Variants in MEOX2 observed in about 807,000 individuals in gnomAD.
MEOX2 encodes homeobox protein MOX-2.
MEOX2 carries 11 observed loss-of-function variants against 27.0 expected under a neutral mutation model. That is an observed-to-expected ratio of 0.41 (90% CI 0.26 to 0.68). The LOEUF is 0.68. MEOX2 is among the 30% of genes least tolerant of loss of function. The probability of loss-of-function intolerance (pLI) is 0.33; values close to 1 mark genes in which losing one functional copy is unlikely to be tolerated. For synonymous variants in MEOX2, 189 were observed against 155.4 expected (o/e 1.22, Z -1.61); for missense variants, 436 against 385.4 (o/e 1.13, Z -1.10).
intron 2 of MEOX2, among the ~76,000 whole-genome samples, chr7:15,614,991 T>C (rs915595737): frequency 3.9e-5 from 6 of 152,124 alleles, no homozygotes; most frequent in South Asian, 2.1e-4. Flanking sequence ...TGAAATCATG[T>C]ATCATATATT....
At chr7:15,635,219 G>A (rs182993949) in intron 1 of MEOX2, among the ~76,000 whole-genome samples, 249 of 152,064 alleles carry the variant, frequency 1.6e-3, no homozygotes, top group Non-Finnish European at 3.0e-3. Flanking sequence ...GTCACAGAAT[G>A]TTCCTAGGCC....
intron 1 of MEOX2, among the ~76,000 whole-genome samples, chr7:15,637,973 A>G (rs1199860869): frequency 2.0e-5 from 3 of 152,126 alleles, no homozygotes; most frequent in East Asian, 1.9e-4. Flanking sequence ...GTAGGATGGT[A>G]CTGTTACATT....
At chr7:15,633,559 C>G (rs529249853) in intron 1 of MEOX2, among the ~76,000 whole-genome samples, 26 of 151,930 alleles carry the variant, frequency 1.7e-4, no homozygotes, top group African/African-American at 5.3e-4. Flanking sequence ...TGCAGTAAAA[C>G]CCTTGGACAT....
chr7:15,629,982 A>T lies in MEOX2; in HGVS notation c.518-3064T>A, dbSNP rs547705355. Among the ~76,000 whole-genome samples the T allele has an allele frequency of 2.0e-5, 3 of 152,134 alleles. No homozygotes were observed. In the East Asian group the frequency reaches 5.8e-4, roughly 29 times the overall value. On this transcript the variant is annotated intron_variant, in intron 1 of 2. Coordinates refer to ENST00000262041, the MANE Select transcript of MEOX2 (RefSeq NM_005924.5). ...TCTTCAACCTCCCATATCCTATGCC[A>T]AATGGTAGGTGCTGAGGGGGGAATC...
Position 15,686,145 on chromosome 7 carries a change from C to G in MEOX2, c.258G>C (p.Gln86His), listed in dbSNP as rs1488119800. 6.3e-7 allele frequency: 1 copy of G among 1,576,448 alleles called. No individual in the cohort carries two copies. The highest frequency in any genetic ancestry group is 8.6e-7 in the Non-Finnish European group (1 of 1,164,216). Residue 86 changes from glutamine to histidine, a missense_variant, in exon 1 of 3, where the codon CAG becomes CAC. Gln to His is a conservative substitution (Grantham distance 24). Coordinates refer to ENST00000262041, the MANE Select transcript of MEOX2 (RefSeq NM_005924.5). ...HHHHHQQQQHQALQTNWHLPQ... is the reference protein window; with the variant it reads ...HHHHHQQQQHHALQTNWHLPQ... ...GGAGGTGCCAGTTGGTTTGCAGAGC[C>G]TGGTGCTGCTGCTGCTGATGGTGGT...
At chr7:15,672,907 A>G (rs1467787574) in intron 1 of MEOX2, among the ~76,000 whole-genome samples, 1 of 151,642 alleles carries the variant, frequency 6.6e-6, no homozygotes, top group Non-Finnish European at 1.5e-5. Flanking sequence ...AAAAAAAAAG[A>G]AAAAGAAAAA....
rs540917999 is a variant in MEOX2, at chr7:15,626,718, A to G, written c.690+28T>C. 1.8e-5 allele frequency: 28 copies of G among 1,567,250 alleles called. No homozygotes were observed. The East Asian group carries it at 2.9e-4, about 16-fold the overall frequency. On this transcript the variant is annotated intron_variant, in intron 2 of 2. Coordinates refer to ENST00000262041, the MANE Select transcript of MEOX2 (RefSeq NM_005924.5). ...TGTGGACCCAGGGCAATTAAAAAAG[A>G]TCATATAATGATAATGCCCAGCTTT...
At chr7:15,628,148 TTA>T (rs1260827704) in intron 1 of MEOX2, among the ~76,000 whole-genome samples, 1 of 152,044 alleles carries the variant, frequency 6.6e-6, no homozygotes, top group Non-Finnish European at 1.5e-5. Context: ...TCTTTTTAGA[TTA>T]TGTTTTTTTT....
intron 1 of MEOX2, 41 bp downstream of exon 1, chr7:15,685,845 A>AGCCC: frequency 6.5e-7 from 1 of 1,542,446 alleles, no homozygotes; most frequent in Non-Finnish European, 8.7e-7. Flanking sequence ...CCCCTTTTCC[A>AGCCC]GCCCGGCGCG....
chr7:15,633,398 T>G (rs1351493037), intron 1 of MEOX2, among the ~76,000 whole-genome samples: 1 of 151,816 alleles, frequency 6.6e-6, no homozygotes, highest in Non-Finnish European at 1.5e-5. Context: ...TTAAGGACAA[T>G]AGTAACTTGG....
chr7:15,625,369 T>C (rs1781287262), intron 2 of MEOX2, among the ~76,000 whole-genome samples: 1 of 152,212 alleles, frequency 6.6e-6, no homozygotes, highest in African/African-American at 2.4e-5. Flanking sequence ...AGGAAAATGC[T>C]GTGCTCCATA....
intron 1 of MEOX2, chr7:15,668,192 G>C (rs546980464): frequency 2.0e-5 from 3 of 152,314 alleles, no homozygotes; most frequent in African/African-American, 7.2e-5. Flanking sequence ...TCCTACCTGA[G>C]ACAGAAGACC....
At chr7:15,680,150 C>T (rs957462923) in intron 1 of MEOX2, 2 of 151,824 alleles carry the variant, frequency 1.3e-5, no homozygotes, top group East Asian at 3.9e-4. Flanking sequence ...CGATCATACA[C>T]TTACCATGTA....
rs139911303 is a variant in MEOX2, at chr7:15,645,618, T to TA, written c.518-18701dup. On this transcript the variant is annotated intron_variant, in intron 1 of 2. Coordinates refer to ENST00000262041, the MANE Select transcript of MEOX2 (RefSeq NM_005924.5). The stretch of plus-strand genomic sequence containing the variant: ...AACAGAAATGTAAAGAATTGGTTGG[T>TA]AAAAAACACCCTTGGTAGTTATTGA... 5.5e-3 allele frequency among the ~76,000 whole-genome samples: 830 copies of TA among 152,264 alleles called. 8 individuals carry two copies. The highest frequency in any genetic ancestry group is 0.019 in the African/African-American group (808 of 41,556).
chr7:15,624,997 C>T (rs1052810772), intron 2 of MEOX2, among the ~76,000 whole-genome samples: 8 of 152,160 alleles, frequency 5.3e-5, no homozygotes, highest in African/African-American at 1.7e-4. Context: ...GATTCTGCTC[C>T]GTGGTCAAAC....
At chr7:15,660,396 C>T (rs987740027) in intron 1 of MEOX2, among the ~76,000 whole-genome samples, 1 of 152,056 alleles carries the variant, frequency 6.6e-6, no homozygotes, top group African/African-American at 2.4e-5. Flanking sequence ...AGAAACCTGA[C>T]CTTATTCTTT....
At chr7:15,654,245 G>A (rs1230618865) in intron 1 of MEOX2, among the ~76,000 whole-genome samples, 2 of 151,798 alleles carry the variant, frequency 1.3e-5, no homozygotes, top group African/African-American at 4.8e-5. Flanking sequence ...ATTTTTGTAT[G>A]TTTATCTTTA....
chr7:15,674,267 CTGCAGCA>C (rs1782156731), intron 1 of MEOX2, among the ~76,000 whole-genome samples: 1 of 152,064 alleles, frequency 6.6e-6, no homozygotes, highest in Non-Finnish European at 1.5e-5. Flanking sequence ...TTGTATTATT[CTGCAGCA>C]TTTAATTAGA....
At chr7:15,655,665 A>G (rs1781807980) in intron 1 of MEOX2, among the ~76,000 whole-genome samples, 1 of 151,618 alleles carries the variant, frequency 6.6e-6, no homozygotes, top group Admixed American at 6.6e-5. Context: ...CTGTGTTTGG[A>G]AATTTTCTTG....
Sources: gnomAD v4.1 joint callset for allele counts (sites outside exome capture counted in the v4.1 genomes callset) on GRCh38, gnomAD v4.1.1 for gene constraint, MANE v1.5 for transcripts, NCBI Gene and HGNC (gene_info 2026-07-23, HGNC 2026-07-21) for gene names.